Variants in NUBPL observed in about 807,000 individuals in gnomAD.
NUBPL encodes NUBP iron-sulfur cluster assembly factor, mitochondrial, also known as iron-sulfur cluster transfer protein NUBPL.
In NUBPL, 31 loss-of-function variants were observed where a neutral mutation model predicts 45.7. That is an observed-to-expected ratio of 0.68 (90% confidence interval 0.51 to 0.92). NUBPL has a LOEUF of 0.92. NUBPL is among the 40% of genes least tolerant of loss of function. The pLI is 0.00. For synonymous variants in NUBPL, 144 were observed against 140.9 expected (o/e 1.02, Z -0.15); for missense variants, 401 against 398.7 (o/e 1.01, Z -0.05).
chr14:31,854,757 T>C (rs927784865), intron 10 of NUBPL, among the ~76,000 whole-genome samples: 1 of 152,178 alleles, frequency 6.6e-6, no homozygotes, highest in African/African-American at 2.4e-5. Context: ...AGGCCCCAAC[T>C]CTTCACCAAT....
At chr14:31,639,270 G>T (rs2035606512) in intron 4 of NUBPL, among the ~76,000 whole-genome samples, 3 of 152,072 alleles carry the variant, frequency 2.0e-5, no homozygotes. Context: ...TTTTGGTGCG[G>T]ATGTCCTTTC....
intron 3 of NUBPL, among the ~76,000 whole-genome samples, chr14:31,596,203 T>C (rs2034279606): frequency 6.6e-6 from 1 of 152,074 alleles, no homozygotes; most frequent in African/African-American, 2.4e-5. Flanking sequence ...GCGCCCGGCC[T>C]GGACACTGAT....
At chr14:31,767,909 A>G (rs776971258) in intron 6 of NUBPL, among the ~76,000 whole-genome samples, 2 of 152,352 alleles carry the variant, frequency 1.3e-5, no homozygotes, top group Middle Eastern at 3.4e-3. Flanking sequence ...TACATGTTCC[A>G]GATCTGATCT....
chr14:31,741,828 C>T (rs559211870), intron 6 of NUBPL, among the ~76,000 whole-genome samples: 18,665 of 151,774 alleles, frequency 0.12, 3,044 homozygotes, highest in African/African-American at 0.38. Context: ...CACTGGTTTG[C>T]CCTGTGACCT....
intron 6 of NUBPL, among the ~76,000 whole-genome samples, chr14:31,747,995 T>A (rs2038438087): frequency 6.6e-6 from 1 of 152,142 alleles, no homozygotes; most frequent in Admixed American, 6.5e-5. Context: ...TTCGATAGGT[T>A]GTATTTTTTT....
intron 6 of NUBPL, among the ~76,000 whole-genome samples, chr14:31,755,965 C>A (rs74628692): frequency 3.3e-5 from 5 of 151,840 alleles, no homozygotes; most frequent in African/African-American, 2.4e-5. Flanking sequence ...AATCCTTTCC[C>A]CATTGCTTAT....
chr14:31,598,969 G>A (rs2034352789), intron 3 of NUBPL, among the ~76,000 whole-genome samples: 2 of 152,112 alleles, frequency 1.3e-5, no homozygotes, highest in African/African-American at 4.8e-5. Context: ...TCAAACTCAT[G>A]TTCAGATCAA....
intron 7 of NUBPL, among the ~76,000 whole-genome samples, chr14:31,808,518 G>T (rs984631715): frequency 2.5e-4 from 38 of 152,182 alleles, no homozygotes; most frequent in Non-Finnish European, 1.5e-5. Flanking sequence ...GAGATTTTGG[G>T]CTGAGACGAT....
At chr14:31,656,594 T>C (rs181193136) in intron 4 of NUBPL, among the ~76,000 whole-genome samples, 53 of 151,654 alleles carry the variant, frequency 3.5e-4, no homozygotes, top group African/African-American at 1.2e-3. Flanking sequence ...GAGAGAGAGA[T>C]AGGGGGATGG....
chr14:31,565,106 A>G (rs2033402438), intron 3 of NUBPL, 58 bp downstream of exon 3: 2 of 1,003,070 alleles, frequency 2.0e-6, no homozygotes, highest in East Asian at 2.5e-5. Flanking sequence ...GCAATGATAA[A>G]GAGCATATTG....
intron 3 of NUBPL, among the ~76,000 whole-genome samples, chr14:31,576,727 A>G (rs1290417120): frequency 6.6e-6 from 1 of 152,190 alleles, no homozygotes; most frequent in Non-Finnish European, 1.5e-5. Context: ...TCCTCTATCC[A>G]ATTCCAATTT....
chr14:31,693,802 A>T lies in NUBPL; in HGVS notation c.513+20228A>T, dbSNP rs919321501. Among the ~76,000 whole-genome samples the T allele has an allele frequency of 4.2e-4, 10 of 23,714 alleles. No homozygotes were observed. In the East Asian group the frequency reaches 8.7e-3, roughly 21 times the overall value. 15.6% of individuals were successfully genotyped at this position (23,714 alleles called of 152,430 possible). ...CTTTTAGGCACCTAAGACAAAATTAAAAAAAAAAAAAAAAAAAAAAACCTT... is the reference window on the plus strand; with the variant it reads ...CTTTTAGGCACCTAAGACAAAATTATAAAAAAAAAAAAAAAAAAAAACCTT... On this transcript the variant is annotated intron_variant, in intron 6 of 10. Transcript: ENST00000281081.
chr14:31,669,438 G>A lies in NUBPL; in HGVS notation c.383-3917G>A, dbSNP rs147278870. Among the ~76,000 whole-genome samples, 329 of 150,742 alleles carry A rather than the reference G, an allele frequency of 2.2e-3. 3 individuals are homozygous for A. The highest frequency in any genetic ancestry group is 7.7e-3 in the African/African-American group (312 of 40,550). On this transcript the variant is annotated intron_variant, in intron 4 of 10. Coordinates refer to ENST00000281081, the MANE Select transcript of NUBPL (RefSeq NM_025152.3). ...CTTATTTATGTTTGTGAAAATGACA[G>A]AATTTCCTTCCTTTTCTTTGCTTTT... is the stretch of plus-strand genomic sequence containing the variant.
chr14:31,824,940 A>G (rs1203943591), intron 7 of NUBPL, among the ~76,000 whole-genome samples: 1 of 151,968 alleles, frequency 6.6e-6, no homozygotes, highest in African/African-American at 2.4e-5. Flanking sequence ...GAACCACAAA[A>G]TTAAAAAAAA....
At chr14:31,617,307 A>G (rs912429049) in intron 4 of NUBPL, among the ~76,000 whole-genome samples, 24 of 152,184 alleles carry the variant, frequency 1.6e-4, no homozygotes, top group African/African-American at 4.8e-4. Context: ...AACTTCCAGT[A>G]CTATGTGGAA....
rs565612624 is a variant in NUBPL at position 31,708,679 on chromosome 14, G to T, written c.513+35105G>T. 2.0e-5 allele frequency among the ~76,000 whole-genome samples: 3 copies of T among 152,348 alleles called. No individual in the cohort carries two copies. In the South Asian group the frequency reaches 6.2e-4, roughly 32 times the overall value. On this transcript the variant is annotated intron_variant, in intron 6 of 10. Transcript: ENST00000281081. ...TTAACAATGAGAAGGCTGCGCCAGT[G>T]TCTAGGAGGAAGTCAATTTCCTGGC... is the stretch of plus-strand genomic sequence containing the variant.
At chr14:31,817,065 A>G (rs1025124148) in intron 7 of NUBPL, among the ~76,000 whole-genome samples, 5 of 152,010 alleles carry the variant, frequency 3.3e-5, no homozygotes, top group African/African-American at 4.8e-5. Flanking sequence ...TTGATCAAGC[A>G]GAAGAAAGAA....
At chr14:31,571,024 G>A (rs1595293658) in intron 3 of NUBPL, among the ~76,000 whole-genome samples, 1 of 152,112 alleles carries the variant, frequency 6.6e-6, no homozygotes, top group South Asian at 2.1e-4. Context: ...ACCTTTCTGG[G>A]TTTATCTTTA....
chr14:31,670,752 T>C (rs2036551640), intron 4 of NUBPL, among the ~76,000 whole-genome samples: 1 of 152,232 alleles, frequency 6.6e-6, no homozygotes, highest in South Asian at 2.1e-4. Flanking sequence ...TGCTTGTTTT[T>C]GTCAGCTTTA....
Sources: gnomAD v4.1 joint callset for allele counts (sites outside exome capture counted in the v4.1 genomes callset) on GRCh38, gnomAD v4.1.1 for gene constraint, MANE v1.5 for transcripts, NCBI Gene and HGNC (gene_info 2026-07-23, HGNC 2026-07-21) for gene names.